TIAM1: variants seen among roughly 807,000 people sequenced by gnomAD.
The protein encoded by TIAM1 is TIAM Rac1 associated GEF 1.
In TIAM1, 65 loss-of-function variants were observed where a neutral mutation model predicts 163.5. The ratio of observed to expected loss-of-function variants is 0.40; its 90% CI spans 0.33 to 0.49. The LOEUF (loss-of-function observed/expected upper bound fraction) is 0.49. Ranked by LOEUF, TIAM1 falls within the 20% of genes least tolerant of loss-of-function variation. The pLI, the probability that TIAM1 is intolerant of heterozygous loss-of-function variation, is 0.77. For synonymous variants in TIAM1, 833 were observed against 810.1 expected (o/e 1.03, Z -0.48); for missense variants, 1,789 against 2,044.7 (o/e 0.87, Z 2.41).
chr21:31,434,779 A>G (rs2044155037), intron 2 of TIAM1, among the ~76,000 whole-genome samples: 1 of 152,170 alleles, frequency 6.6e-6, no homozygotes, highest in South Asian at 2.1e-4. Context: ...CTCCAGAGTG[A>G]AGCACTACTA....
intron 1 of TIAM1, among the ~76,000 whole-genome samples, chr21:31,518,614 ATTTG>A (rs1410945195): frequency 1.3e-5 from 2 of 152,058 alleles, no homozygotes; most frequent in African/African-American, 4.8e-5. Context: ...AAGCTACTGA[ATTTG>A]TGGCTTAGGA....
chr21:31,243,757 C>G (rs965828898), intron 6 of TIAM1, among the ~76,000 whole-genome samples: 2 of 152,150 alleles, frequency 1.3e-5, no homozygotes, highest in Non-Finnish European at 2.9e-5. Flanking sequence ...TTCAAATCAG[C>G]AAGGGAGCCT....
intron 1 of TIAM1, among the ~76,000 whole-genome samples, chr21:31,542,709 G>A (rs764516945): frequency 1.3e-5 from 2 of 152,162 alleles, no homozygotes; most frequent in South Asian, 2.1e-4. Context: ...AGTAATGCCT[G>A]TAATCCCAGC....
intron 2 of TIAM1, among the ~76,000 whole-genome samples, chr21:31,310,610 G>A (rs114474633): frequency 0.012 from 1,858 of 152,130 alleles, 45 homozygotes; most frequent in African/African-American, 0.042. Flanking sequence ...ACTTACAACC[G>A]GGACACACCT....
At chr21:31,213,106 T>C (rs751448429) in intron 10 of TIAM1, 45 of 330,002 alleles carry the variant, frequency 1.4e-4, no homozygotes, top group Non-Finnish European at 2.1e-4. Flanking sequence ...TGGCATAAAA[T>C]ATTCAGCTAT....
In TIAM1 at chr21:31,266,314, G is replaced by A. The variant is rs774543132; in HGVS notation, c.659C>T (p.Pro220Leu). ...TCTCTGACAGGTGCTGAGCTGCCGC[G>A]GACTCGCCCGCGTTTCCATCCCCCG... Reference protein sequence around the residue: ...EARGMETRASPRQLSTCQRAN... With the variant: ...EARGMETRASLRQLSTCQRAN... Residue 220 changes from proline (P) to leucine (L), a missense_variant, in exon 4 of 28, where the codon CCG becomes CTG. By Grantham distance (98) the Pro-to-Leu change is moderately conservative. Around this residue, in one of 5 missense-constraint regions of TIAM1, gnomAD observed 555 missense variants for 564.9 expected, o/e 0.98. Transcript: ENST00000541036. 4 of 1,614,198 alleles carry A rather than the reference G, an allele frequency of 2.5e-6. No individual in the cohort carries two copies. Among genetic ancestry groups the A allele is most frequent in the South Asian group, 2.2e-5 (2 of 91,080 alleles).
rs34844399 is a variant in TIAM1 at position 31,438,179 on chromosome 21, CTTTTTTTTTTT to C, written c.-369+25793_-369+25803del. Among the ~76,000 whole-genome samples the C allele has an allele frequency of 6.7e-3, 418 of 62,706 alleles. 2 individuals are homozygous for C. The highest frequency in any genetic ancestry group is 9.6e-3 in the Non-Finnish European group (324 of 33,886). 41.1% of individuals were successfully genotyped at this position (62,706 alleles called of 152,430 possible). ...ACATATGTAATTGCGTATTTGTGAT[CTTTTTTTTTTT>C]TTTTTTTTTTTTTTTTTTTGAGACA... On this transcript the variant is annotated intron_variant, in intron 2 of 28. Coordinates refer to the TIAM1 transcript ENST00000286827.
chr21:31,517,565 T>C (rs1400585048), intron 1 of TIAM1, among the ~76,000 whole-genome samples: 1 of 152,202 alleles, frequency 6.6e-6, no homozygotes, highest in East Asian at 1.9e-4. Context: ...GAAAAAGCTA[T>C]GTGACCACAG....
At chr21:31,458,431 GAAAAAGAAAAAGA>G (rs1304761355) in intron 2 of TIAM1, among the ~76,000 whole-genome samples, 9 of 151,350 alleles carry the variant, frequency 5.9e-5, no homozygotes, top group Admixed American at 3.3e-4. Flanking sequence ...AAAAAAAAAA[GAAAAAGAAAAAGA>G]AAAAAGAAAA....
chr21:31,303,652 A>G (rs1205699592), intron 2 of TIAM1, among the ~76,000 whole-genome samples: 2 of 152,164 alleles, frequency 1.3e-5, no homozygotes, highest in Non-Finnish European at 2.9e-5. Flanking sequence ...GACCTTTAAA[A>G]AAACACCCTC....
intron 1 of TIAM1, among the ~76,000 whole-genome samples, chr21:31,517,048 C>CAAAAAA (rs747446437): frequency 1.1e-4 from 7 of 65,292 alleles, no homozygotes; most frequent in Admixed American, 3.1e-4. Context: ...GACTCTGTCT[C>CAAAAAA]AAAAAAAAAA....
intron 22 of TIAM1, among the ~76,000 whole-genome samples, chr21:31,137,507 G>C (rs908709300): frequency 2.6e-5 from 4 of 152,048 alleles, no homozygotes; most frequent in African/African-American, 7.2e-5. Context: ...AGAAGAGGAG[G>C]AGTTACATAC....
chr21:31,156,966 T>G (rs972425696), intron 16 of TIAM1, among the ~76,000 whole-genome samples: 3 of 152,346 alleles, frequency 2.0e-5, no homozygotes, highest in African/African-American at 7.2e-5. Flanking sequence ...AAGCTACTGC[T>G]CATAGCAAAT....
intron 15 of TIAM1, among the ~76,000 whole-genome samples, chr21:31,179,055 G>A (rs1029698985): frequency 6.6e-6 from 1 of 151,648 alleles, no homozygotes; most frequent in African/African-American, 2.4e-5. Context: ...CCAGCCTGAA[G>A]GATTTTTGAT....
intron 1 of TIAM1, among the ~76,000 whole-genome samples, chr21:31,546,967 G>A (rs1256465913): frequency 1.3e-5 from 2 of 148,468 alleles, no homozygotes; most frequent in African/African-American, 2.5e-5. Context: ...GTGGGGGGGG[G>A]CTGGCTCCTA....
At chr21:31,228,489 T>C (rs778435568) in intron 6 of TIAM1, among the ~76,000 whole-genome samples, 4 of 152,052 alleles carry the variant, frequency 2.6e-5, no homozygotes, top group Non-Finnish European at 4.4e-5. Flanking sequence ...CACGAAAATA[T>C]ACACACAAGA....
intron 12 of TIAM1, among the ~76,000 whole-genome samples, chr21:31,197,026 G>A (rs937503843): frequency 6.6e-6 from 1 of 152,100 alleles, no homozygotes; most frequent in Non-Finnish European, 1.5e-5. Context: ...TACAACTAGG[G>A]GCTAAACAAT....
chr21:31,151,650 C>T (rs148043605), intron 19 of TIAM1, among the ~76,000 whole-genome samples: 34 of 152,186 alleles, frequency 2.2e-4, no homozygotes, highest in African/African-American at 5.8e-4. Context: ...CTGATTGTGA[C>T]GATGGTTTCA....
intron 16 of TIAM1, among the ~76,000 whole-genome samples, chr21:31,162,832 C>A (rs373395669): frequency 6.6e-6 from 1 of 152,162 alleles, no homozygotes; most frequent in African/African-American, 2.4e-5. Flanking sequence ...AGAATTTCTA[C>A]AAGAAAATCT....
Sources: gnomAD v4.1 joint callset for allele counts (sites outside exome capture counted in the v4.1 genomes callset) on GRCh38, gnomAD v4.1.1 for gene constraint, gnomAD v4.1.1 regional missense constraint, MANE v1.5 for transcripts, NCBI Gene and HGNC (gene_info 2026-07-23, HGNC 2026-07-21) for gene names.